The following FLT1 variants were observed in gnomAD, a reference collection of about 807,000 sequenced individuals.
The protein encoded by FLT1 is vascular endothelial growth factor receptor 1.
FLT1 carries 49 observed loss-of-function variants against 156.3 expected under a neutral mutation model. The observed-to-expected ratio is 0.31, with a 90% CI of 0.25 to 0.40. The LOEUF (loss-of-function observed/expected upper bound fraction) is 0.40. Ranked by LOEUF, FLT1 falls within the 10% of genes least tolerant of loss-of-function variation. The pLI, the probability that FLT1 is intolerant of heterozygous loss-of-function variation, is 1.00. For synonymous variants in FLT1, 594 were observed against 583.8 expected (o/e 1.02, Z -0.25); for missense variants, 1,322 against 1,637.2 (o/e 0.81, Z 3.32).
At chr13:28,406,939 C>T (rs560027243) in intron 10 of FLT1, among the ~76,000 whole-genome samples, 6 of 152,100 alleles carry the variant, frequency 3.9e-5, no homozygotes, top group Non-Finnish European at 7.4e-5. Context: ...AAAAACGTTC[C>T]GTTACTATTC....
intron 1 of FLT1, among the ~76,000 whole-genome samples, chr13:28,468,241 CTA>C (rs1879958385): frequency 6.6e-6 from 1 of 152,290 alleles, no homozygotes; most frequent in African/African-American, 2.4e-5. Context: ...CTTACGTAAT[CTA>C]TGAGTTCCCT....
At chr13:28,410,770 TATGATCCTTA>T (rs1846478812) in intron 10 of FLT1, among the ~76,000 whole-genome samples, 1 of 152,208 alleles carries the variant, frequency 6.6e-6, no homozygotes, top group African/African-American at 2.4e-5. Context: ...AAGCAAGCAT[TATGATCCTTA>T]TTTCATAAAT....
At chr13:28,425,780 A>G (rs1363533382) in intron 10 of FLT1, among the ~76,000 whole-genome samples, 1 of 152,200 alleles carries the variant, frequency 6.6e-6, no homozygotes, top group African/African-American at 2.4e-5. Flanking sequence ...TCAAGACCCT[A>G]AACGGATGGG....
At chr13:28,310,267 C>A (rs1376546479) in intron 27 of FLT1, among the ~76,000 whole-genome samples, 1 of 152,148 alleles carries the variant, frequency 6.6e-6, no homozygotes, top group East Asian at 1.9e-4. Context: ...AGCCAGAGAG[C>A]TGTGCCTACT....
intron 18 of FLT1, among the ~76,000 whole-genome samples, chr13:28,331,313 T>A (rs1871921497): frequency 6.6e-6 from 1 of 152,220 alleles, no homozygotes; most frequent in Non-Finnish European, 1.5e-5. Flanking sequence ...AACAAATATT[T>A]TGGAATAAAT....
At chr13:28,303,415 A>G (rs1274167091) in intron 29 of FLT1, 47 bp from the exon 30 acceptor site, 4 of 1,538,334 alleles carry the variant, frequency 2.6e-6, no homozygotes, top group Non-Finnish European at 3.6e-6. Flanking sequence ...TTGGTTTTTT[A>G]GAAAACAAAG....
chr13:28,342,863 C>A (rs911474590), intron 16 of FLT1, among the ~76,000 whole-genome samples: 1 of 152,186 alleles, frequency 6.6e-6, no homozygotes, highest in Non-Finnish European at 1.5e-5. Flanking sequence ...CCTTCTGATA[C>A]TTCTCAAGTC....
intron 10 of FLT1, among the ~76,000 whole-genome samples, chr13:28,414,215 C>T (rs993364555): frequency 6.6e-6 from 1 of 152,128 alleles, no homozygotes; most frequent in African/African-American, 2.4e-5. Context: ...CTTATGAGCC[C>T]CTTAATTTTG....
At chr13:28,370,201 A>T (rs1165906055) in intron 14 of FLT1, among the ~76,000 whole-genome samples, 3 of 151,960 alleles carry the variant, frequency 2.0e-5, no homozygotes, top group Non-Finnish European at 2.9e-5. Context: ...AAAAAAAAAA[A>T]GCTGTATAAT....
chr13:28,389,812 T>C lies in FLT1; in HGVS notation c.1953A>G (p.Lys651=). ...AGTGCTCACCTCTGATTGTAATTTC[T>C]TTCTTCTGGAGGATTTCTTCCCCTG... ...VYTGEEILQK[K]EITIRDQEAP... Residue 651 remains lysine, a synonymous_variant, in exon 13 of 30, where the codon AAA becomes AAG. Coordinates refer to ENST00000282397, the MANE Select transcript of FLT1 (RefSeq NM_002019.4). 6.2e-7 allele frequency: 1 copy of C among 1,614,222 alleles called. No individual in the cohort carries two copies. Among genetic ancestry groups the C allele is most frequent in the South Asian group, 1.1e-5 (1 of 91,080 alleles).
intron 25 of FLT1, among the ~76,000 whole-genome samples, chr13:28,314,131 G>A (rs985545166): frequency 3.9e-5 from 6 of 152,218 alleles, no homozygotes; most frequent in African/African-American, 1.4e-4. Flanking sequence ...CTGGGAGGTT[G>A]AGGCTGGGCT....
At chr13:28,438,482 CTT>C in intron 3 of FLT1, 137 bp from the exon 4 acceptor site, 1 of 710,950 alleles carries the variant, frequency 1.4e-6, no homozygotes, top group East Asian at 2.7e-5. Flanking sequence ...ACATTCACAT[CTT>C]TGTCTCTGAA....
intron 17 of FLT1, among the ~76,000 whole-genome samples, chr13:28,336,795 C>T (rs1157707333): frequency 6.7e-5 from 10 of 148,906 alleles, no homozygotes; most frequent in African/African-American, 1.7e-4. Flanking sequence ...TTGCCCAGGC[C>T]GGAGTGCCGT....
intron 1 of FLT1, among the ~76,000 whole-genome samples, chr13:28,493,503 T>G (rs1339516320): frequency 6.6e-6 from 1 of 152,264 alleles, no homozygotes; most frequent in African/African-American, 2.4e-5. Context: ...TACTGCTTTT[T>G]GGGTTTAACA....
At chr13:28,310,283 G>A (rs1021243759) in intron 27 of FLT1, among the ~76,000 whole-genome samples, 2 of 152,192 alleles carry the variant, frequency 1.3e-5, no homozygotes, top group African/African-American at 4.8e-5. Context: ...CTACTGCAAA[G>A]AGAGATGCTA....
intron 14 of FLT1, among the ~76,000 whole-genome samples, chr13:28,380,811 G>A (rs982419790): frequency 3.9e-5 from 6 of 152,246 alleles, no homozygotes; most frequent in Non-Finnish European, 1.5e-5. Context: ...GTATAAATGA[G>A]GTGGGTCAGA....
intron 24 of FLT1, 37 bp from the exon 25 acceptor site, chr13:28,317,634 T>C (rs1871259858): frequency 1.5e-6 from 2 of 1,360,474 alleles, no homozygotes; most frequent in South Asian, 2.3e-5. Context: ...GGGCCTGTTA[T>C]GGCTTAAGGG....
chr13:28,347,794 T>C (rs1872615177), intron 15 of FLT1, among the ~76,000 whole-genome samples: 1 of 152,170 alleles, frequency 6.6e-6, no homozygotes, highest in African/African-American at 2.4e-5. Context: ...CACCAAAGAC[T>C]CACAAAAATA....
intron 10 of FLT1, among the ~76,000 whole-genome samples, chr13:28,414,321 C>T (rs1214686193): frequency 1.3e-5 from 2 of 152,164 alleles, no homozygotes; most frequent in Non-Finnish European, 2.9e-5. Context: ...TTTGACTTCA[C>T]CAAGGCTGCT....
Sources: gnomAD v4.1 joint callset for allele counts (sites outside exome capture counted in the v4.1 genomes callset) on GRCh38, gnomAD v4.1.1 for gene constraint, MANE v1.5 for transcripts, NCBI Gene and HGNC (gene_info 2026-07-23, HGNC 2026-07-21) for gene names.